LIMA1: variants seen among roughly 807,000 people sequenced by gnomAD.
The protein encoded by LIMA1 is LIM domain and actin binding 1, also known as LIM domain and actin-binding protein 1.
Under a neutral mutation model 62.6 loss-of-function variants are expected in LIMA1, and 52 were observed. The ratio of observed to expected loss-of-function variants is 0.83; its 90% confidence interval spans 0.67 to 1.05. LIMA1 has a LOEUF of 1.05. LIMA1 is among the 50% of genes least tolerant of loss of function. The pLI, the probability that LIMA1 is intolerant of heterozygous loss-of-function variation, is 0.00. For synonymous variants in LIMA1, 302 were observed against 317.8 expected (o/e 0.95, Z 0.53); for missense variants, 780 against 902.2 (o/e 0.86, Z 1.74).
chr12:50,194,168 T>C (rs1209367301), intron 8 of LIMA1, among the ~76,000 whole-genome samples: 1 of 149,646 alleles, frequency 6.7e-6, no homozygotes, highest in Non-Finnish European at 1.5e-5. Context: ...TTTGTGTTTT[T>C]AATAGAGATG....
chr12:50,255,900 T>G (rs891365577), intron 1 of LIMA1, among the ~76,000 whole-genome samples: 2 of 152,144 alleles, frequency 1.3e-5, no homozygotes. Flanking sequence ...GTTATTTATT[T>G]TTTTTTTGAG....
chr12:50,180,711 G>A (rs1266526761), intron 10 of LIMA1, among the ~76,000 whole-genome samples: 2 of 152,126 alleles, frequency 1.3e-5, no homozygotes, highest in East Asian at 3.8e-4. Context: ...TCTCTTGCAG[G>A]ATGATAAGTT....
chr12:50,267,205 G>C (rs1942149344), intron 1 of LIMA1, among the ~76,000 whole-genome samples: 2 of 152,060 alleles, frequency 1.3e-5, no homozygotes. Context: ...AAGTAGCTGG[G>C]ACTACAGGCA....
At chr12:50,185,273 G>A (rs1007243589) in intron 9 of LIMA1, 12 of 429,528 alleles carry the variant, frequency 2.8e-5, no homozygotes, top group East Asian at 7.0e-5. Context: ...ACTGAAGGAC[G>A]CAGAGCACTC....
chr12:50,178,346 A>G (rs1045819339), intron 10 of LIMA1, among the ~76,000 whole-genome samples: 5 of 152,106 alleles, frequency 3.3e-5, no homozygotes, highest in Non-Finnish European at 7.4e-5. Context: ...CAGGAGTTTG[A>G]GACCAGCCCG....
chr12:50,247,622 T>C (rs1394071096), intron 2 of LIMA1, among the ~76,000 whole-genome samples: 2 of 147,940 alleles, frequency 1.4e-5, no homozygotes, highest in Non-Finnish European at 3.0e-5. Flanking sequence ...TTATTATTAT[T>C]ATTATTATTA....
intron 2 of LIMA1, among the ~76,000 whole-genome samples, chr12:50,244,062 G>C (rs1432964014): frequency 6.6e-6 from 1 of 151,102 alleles, no homozygotes; most frequent in Non-Finnish European, 1.5e-5. Context: ...TTACAGGCAC[G>C]CACCACCACC....
intron 6 of LIMA1, among the ~76,000 whole-genome samples, chr12:50,202,841 G>T (rs1941078351): frequency 6.6e-6 from 1 of 151,904 alleles, no homozygotes; most frequent in Non-Finnish European, 1.5e-5. Flanking sequence ...ATTCAATATT[G>T]TTCTTTTTGA....
intron 4 of LIMA1, among the ~76,000 whole-genome samples, chr12:50,214,905 T>A (rs1413034310): frequency 6.6e-6 from 1 of 152,220 alleles, no homozygotes; most frequent in Non-Finnish European, 1.5e-5. Flanking sequence ...CAGAAGAAAA[T>A]TTTTTATCTT....
intron 2 of LIMA1, among the ~76,000 whole-genome samples, chr12:50,245,592 T>C (rs1025183951): frequency 6.6e-6 from 1 of 151,702 alleles, no homozygotes; most frequent in African/African-American, 2.4e-5. Context: ...CCTATCACTT[T>C]TTTTTTTCTT....
At chr12:50,192,228 C>A (rs760846140) in intron 9 of LIMA1, among the ~76,000 whole-genome samples, 1 of 151,936 alleles carries the variant, frequency 6.6e-6, no homozygotes, top group Non-Finnish European at 1.5e-5. Flanking sequence ...TTCCAGAGTT[C>A]AAACTGAGAG....
chr12:50,260,052 CACTT>C (rs1295737645), intron 1 of LIMA1, among the ~76,000 whole-genome samples: 1 of 152,086 alleles, frequency 6.6e-6, no homozygotes, highest in African/African-American at 2.4e-5. Context: ...TGAGCGAGCT[CACTT>C]ACTCTCAACT....
intron 8 of LIMA1, 135 bp downstream of exon 8, chr12:50,195,695 A>T: frequency 1.3e-6 from 1 of 799,422 alleles, no homozygotes; most frequent in Non-Finnish European, 1.9e-6. Flanking sequence ...AGGACATTCA[A>T]GCATTAGCCC....
chr12:50,263,895 T>A (rs970810239), intron 1 of LIMA1, among the ~76,000 whole-genome samples: 3 of 95,880 alleles, frequency 3.1e-5, no homozygotes, highest in East Asian at 5.6e-4. Context: ...TATATATATA[T>A]AAAGTATGTA....
intron 8 of LIMA1, among the ~76,000 whole-genome samples, chr12:50,193,190 T>C (rs1469026419): frequency 1.3e-5 from 2 of 152,040 alleles, no homozygotes; most frequent in Non-Finnish European, 2.9e-5. Context: ...AGTACTAAAA[T>C]ATTAAGGCTT....
At position 50,183,769 on chromosome 12, in the gene LIMA1, C is replaced by G. The variant is rs924538406; in HGVS notation, c.1141-1732G>C. Among the ~76,000 whole-genome samples the G allele has an allele frequency of 2.1e-5, 3 of 142,344 alleles. No individual in the cohort carries two copies. The Admixed American group carries it at 2.3e-4, about 11-fold the overall frequency. 93.4% of individuals were successfully genotyped at this position (142,344 alleles called of 152,430 possible). A position where few individuals can be genotyped will look rare whatever the true frequency, so the allele number is the denominator to read the frequency against. On this transcript the variant is annotated intron_variant, in intron 9 of 10. Coordinates refer to ENST00000341247, the MANE Select transcript of LIMA1 (RefSeq NM_016357.5). ...GAGGTTGCAGTGAGCCGAGATTGAG[C>G]CACTGCACTCCAGCTTGGGCAACAG...
intron 3 of LIMA1, among the ~76,000 whole-genome samples, chr12:50,226,337 C>T (rs1941527514): frequency 6.6e-6 from 1 of 152,152 alleles, no homozygotes; most frequent in African/African-American, 2.4e-5. Flanking sequence ...CTACCATGCC[C>T]ACCCTCTTCT....
At chr12:50,239,394 T>C (rs1941740966) in intron 2 of LIMA1, among the ~76,000 whole-genome samples, 2 of 152,232 alleles carry the variant, frequency 1.3e-5, no homozygotes, top group South Asian at 4.1e-4. Context: ...ATCCCAGCAC[T>C]TTGGGAGGCT....
chr12:50,194,992 G>A (rs1403795110), intron 8 of LIMA1, among the ~76,000 whole-genome samples: 1 of 152,078 alleles, frequency 6.6e-6, no homozygotes, highest in Non-Finnish European at 1.5e-5. Flanking sequence ...AGGTTACAGT[G>A]AGCCGAGATT....
Sources: gnomAD v4.1 joint callset for allele counts (sites outside exome capture counted in the v4.1 genomes callset) on GRCh38, gnomAD v4.1.1 for gene constraint, MANE v1.5 for transcripts, NCBI Gene and HGNC (gene_info 2026-07-23, HGNC 2026-07-21) for gene names.